The following LRBA variants were observed in gnomAD, a reference collection of about 807,000 sequenced individuals.
LRBA encodes the protein LPS responsive beige-like anchor protein.
Under a neutral mutation model 330.0 loss-of-function variants are expected in LRBA, and 176 were observed. The ratio of observed to expected loss-of-function variants is 0.53; its 90% CI spans 0.47 to 0.60. The LOEUF is 0.60. LRBA is among the 20% of genes least tolerant of loss of function. The probability of loss-of-function intolerance (pLI) is 0.00; values close to 1 mark genes in which losing one functional copy is unlikely to be tolerated. For missense variants in LRBA, 3,259 were observed against 3,444.8 expected (o/e 0.95, Z 1.35); for synonymous variants, 1,230 against 1,193.0 (o/e 1.03, Z -0.64).
chr4:150,350,176 A>G lies in LRBA; in HGVS notation c.7195-17T>C, dbSNP rs1387904718. The G allele has an allele frequency of 6.6e-7, 1 of 1,521,536 alleles. No individual in the cohort carries two copies. The allele number at this position is 1,521,536 out of a possible 1,614,324, so 94.3% of individuals were successfully genotyped here. ...CTCCAGGGCCTGAAAAAAGGTATAC[A>G]TTGTATTACTATGCTGAATTCCTTT... On this transcript the variant is annotated splice_polypyrimidine_tract_variant and intron_variant, in intron 47 of 56. Coordinates refer to ENST00000651943, the MANE Select transcript of LRBA (RefSeq NM_001364905.1).
intron 44 of LRBA, among the ~76,000 whole-genome samples, chr4:150,459,792 G>C (rs1320592041): frequency 6.6e-6 from 1 of 151,814 alleles, no homozygotes; most frequent in Non-Finnish European, 1.5e-5. Context: ...TTGATGCCAA[G>C]ATTAAACTAT....
chr4:150,988,493 G>T (rs1741701084), intron 2 of LRBA, among the ~76,000 whole-genome samples: 1 of 152,110 alleles, frequency 6.6e-6, no homozygotes. Context: ...ATGCAAGAAT[G>T]TTGATAATGA....
intron 40 of LRBA, among the ~76,000 whole-genome samples, chr4:150,494,343 A>C (rs1478729311): frequency 6.6e-6 from 1 of 152,164 alleles, no homozygotes; most frequent in East Asian, 1.9e-4. Flanking sequence ...AACAAACAAA[A>C]AATATTTTAA....
At chr4:150,813,817 TG>T (rs1009129172) in intron 31 of LRBA, among the ~76,000 whole-genome samples, 1 of 152,138 alleles carries the variant, frequency 6.6e-6, no homozygotes, top group African/African-American at 2.4e-5. Flanking sequence ...GTAAATTTTT[TG>T]CCCAACTGTA....
At chr4:150,625,716 TA>T (rs1346593925) in intron 37 of LRBA, among the ~76,000 whole-genome samples, 29 of 149,270 alleles carry the variant, frequency 1.9e-4, no homozygotes, top group African/African-American at 6.4e-4. Context: ...TAATTATTAT[TA>T]TTTTTTTTTT....
At chr4:150,338,932 C>T (rs1037838563) in intron 48 of LRBA, among the ~76,000 whole-genome samples, 2 of 149,968 alleles carry the variant, frequency 1.3e-5, no homozygotes, top group Admixed American at 1.3e-4. Flanking sequence ...TTGATAAATA[C>T]ATTTTTAAAG....
intron 36 of LRBA, among the ~76,000 whole-genome samples, chr4:150,684,192 T>C (rs1406146853): frequency 2.0e-5 from 3 of 152,228 alleles, no homozygotes; most frequent in Non-Finnish European, 4.4e-5. Flanking sequence ...TAAATTTACA[T>C]ATTAAAATGA....
intron 34 of LRBA, among the ~76,000 whole-genome samples, chr4:150,778,045 CAAAGT>C (rs1483970375): frequency 6.7e-6 from 1 of 148,706 alleles, no homozygotes; most frequent in Non-Finnish European, 1.5e-5. Context: ...CTTAAGTGCT[CAAAGT>C]AAACTATCAT....
intron 2 of LRBA, among the ~76,000 whole-genome samples, chr4:150,967,803 G>T (rs1305081497): frequency 6.6e-6 from 1 of 152,028 alleles, no homozygotes; most frequent in East Asian, 1.9e-4. Context: ...CTGTTCTGGG[G>T]TATCATAAAC....
At chr4:150,786,332 C>T (rs1318079243) in intron 34 of LRBA, among the ~76,000 whole-genome samples, 1 of 151,734 alleles carries the variant, frequency 6.6e-6, no homozygotes, top group Non-Finnish European at 1.5e-5. Flanking sequence ...CAAGTTCCGC[C>T]TCCTGGGTTC....
At chr4:150,328,681 A>G (rs763082799) in intron 48 of LRBA, among the ~76,000 whole-genome samples, 15 of 152,034 alleles carry the variant, frequency 9.9e-5, no homozygotes, top group Non-Finnish European at 1.5e-5. Flanking sequence ...CAGAACCTCA[A>G]GAAGTATTTA....
At chr4:150,825,697 A>G (rs1347325838) in intron 30 of LRBA, among the ~76,000 whole-genome samples, 1 of 152,120 alleles carries the variant, frequency 6.6e-6, no homozygotes, top group African/African-American at 2.4e-5. Context: ...CCCAGTTCTC[A>G]TATATTTTTC....
chr4:150,515,280 C>T (rs1762218112), intron 40 of LRBA, among the ~76,000 whole-genome samples: 1 of 152,094 alleles, frequency 6.6e-6, no homozygotes, highest in Admixed American at 6.6e-5. Context: ...AGATCTACTC[C>T]TTATATCAAC....
At position 150,264,975 on chromosome 4, in the gene LRBA, G is replaced by C. The variant is rs1376020277; in HGVS notation, c.*747C>G. The C allele has an allele frequency of 6.6e-6, 1 of 152,628 alleles. No individual in the cohort carries two copies. The highest frequency in any genetic ancestry group is 2.4e-5 in the African/African-American group (1 of 41,446). The allele number at this position is 152,628 out of a possible 1,614,324, so 9.5% of individuals were successfully genotyped here. A position where few individuals can be genotyped will look rare whatever the true frequency, so the allele number is the denominator to read the frequency against. ...CAGGCAAACCGCAGTAGTGAGCTTT[G>C]GTACTTGCATTTACTTTAAAAGAAA... On this transcript the variant is annotated 3_prime_UTR_variant, in exon 57 of 57. Coordinates refer to ENST00000651943, the MANE Select transcript of LRBA (RefSeq NM_001364905.1).
chr4:150,306,000 A>G (rs1384631412), intron 52 of LRBA, among the ~76,000 whole-genome samples: 1 of 145,874 alleles, frequency 6.9e-6, no homozygotes, highest in African/African-American at 2.4e-5. Context: ...ACTAATATCA[A>G]ATATTACCAC....
intron 37 of LRBA, among the ~76,000 whole-genome samples, chr4:150,640,160 A>G (rs1778533299): frequency 6.6e-6 from 1 of 151,824 alleles, no homozygotes; most frequent in African/African-American, 2.4e-5. Context: ...CCCGGCCCCA[A>G]TTTATTTTTA....
chr4:150,371,017 CA>C (rs1190672211), intron 47 of LRBA, among the ~76,000 whole-genome samples: 3 of 151,872 alleles, frequency 2.0e-5, no homozygotes, highest in African/African-American at 7.3e-5. Context: ...TCATTCCCAC[CA>C]AATGTGCCAC....
At chr4:150,862,677 T>TCA (rs1184428480) in intron 22 of LRBA, among the ~76,000 whole-genome samples, 4 of 75,590 alleles carry the variant, frequency 5.3e-5, no homozygotes, top group Non-Finnish European at 1.9e-4. Flanking sequence ...AAAGTATAAT[T>TCA]TAAAAAAAAA....
intron 34 of LRBA, among the ~76,000 whole-genome samples, chr4:150,768,927 C>CTTTTTTTTTT (rs70941440): frequency 1.3e-5 from 1 of 75,026 alleles, no homozygotes; most frequent in African/African-American, 5.1e-5. Context: ...GTGCTGTCTC[C>CTTTTTTTTTT]TTTTTTTTTT....
Sources: gnomAD v4.1 joint callset for allele counts (sites outside exome capture counted in the v4.1 genomes callset) on GRCh38, gnomAD v4.1.1 for gene constraint, MANE v1.5 for transcripts, NCBI Gene and HGNC (gene_info 2026-07-23, HGNC 2026-07-21) for gene names.